The following CEP85L variants were observed in gnomAD, a reference collection of about 807,000 sequenced individuals.
The protein encoded by CEP85L is centrosomal protein 85L.
In CEP85L, 60 loss-of-function variants were observed where a neutral mutation model predicts 100.3. The observed-to-expected ratio is 0.60, with a 90% CI of 0.49 to 0.74. The LOEUF (loss-of-function observed/expected upper bound fraction) is 0.74. Ranked by LOEUF, CEP85L falls within the 30% of genes least tolerant of loss-of-function variation. CEP85L has a pLI of 0.00. For missense variants in CEP85L, 973 were observed against 936.2 expected (o/e 1.04, Z -0.51); for synonymous variants, 319 against 322.7 (o/e 0.99, Z 0.12).
intron 12 of CEP85L, among the ~76,000 whole-genome samples, 169 bp from the exon 13 acceptor site, chr6:118,465,737 A>T (rs1772468377): frequency 6.6e-6 from 1 of 152,222 alleles, no homozygotes; most frequent in Non-Finnish European, 1.5e-5. Context: ...AACAGATCTT[A>T]TCCACTTGGT....
chr6:118,643,757 A>G (rs1775019471), intron 1 of CEP85L, among the ~76,000 whole-genome samples: 1 of 152,242 alleles, frequency 6.6e-6, no homozygotes, highest in African/African-American at 2.4e-5. Flanking sequence ...TAAGAAAAGC[A>G]TGAAATAAAA....
intron 12 of CEP85L, among the ~76,000 whole-genome samples, chr6:118,466,607 G>C (rs1301370837): frequency 6.6e-6 from 1 of 152,172 alleles, no homozygotes; most frequent in African/African-American, 2.4e-5. Flanking sequence ...AAAACAGTAT[G>C]ATAGAATTTG....
intron 1 of CEP85L, chr6:118,647,135 G>T: frequency 1.2e-6 from 1 of 865,040 alleles, no homozygotes; most frequent in Non-Finnish European, 1.4e-6. Flanking sequence ...CAGAACCACA[G>T]CAGAAAACAA....
chr6:118,709,423 C>G (rs533604095), intron 1 of CEP85L, among the ~76,000 whole-genome samples: 2 of 152,040 alleles, frequency 1.3e-5, no homozygotes, highest in Non-Finnish European at 2.9e-5. Flanking sequence ...TCAGCGCATG[C>G]GGCTCCCCAC....
intron 2 of CEP85L, among the ~76,000 whole-genome samples, chr6:118,617,894 CTT>C (rs1029357972): frequency 2.6e-5 from 4 of 152,178 alleles, no homozygotes; most frequent in Non-Finnish European, 5.9e-5. Flanking sequence ...CTGTCCCATC[CTT>C]CCTTAGAATT....
intron 2 of CEP85L, among the ~76,000 whole-genome samples, chr6:118,595,592 A>C (rs917893927): frequency 1.3e-5 from 2 of 152,220 alleles, no homozygotes; most frequent in Non-Finnish European, 2.9e-5. Context: ...TAAAAGCTCC[A>C]GGTTAAAAAG....
rs573007296 is a variant in CEP85L at position 118,537,941 on chromosome 6, C to T, written c.1021-14021G>A. The T allele has an allele frequency of 6.2e-6, 6 of 963,936 alleles. No homozygotes were observed. In the African/African-American group the frequency reaches 1.1e-4, roughly 17 times the overall value. 59.7% of individuals were successfully genotyped at this position (963,936 alleles called of 1,614,324 possible). A position where few individuals can be genotyped will look rare whatever the true frequency, so the allele number is the denominator to read the frequency against. ...CAAGTGTTTTCTGGTAAGAGTCATA[C>T]CTTAACTAAAAAGTAAATAAATTCA... is the stretch of plus-strand genomic sequence containing the variant. On this transcript the variant is annotated intron_variant, in intron 3 of 12. Transcript: ENST00000368491.
chr6:118,501,628 A>G, intron 5 of CEP85L: 1 of 624,136 alleles, frequency 1.6e-6, no homozygotes, highest in East Asian at 3.7e-5. Flanking sequence ...TTTACAACAA[A>G]CCAGAGACCA....
At chr6:118,668,509 G>A (rs1214662806) in intron 1 of CEP85L, among the ~76,000 whole-genome samples, 3 of 152,310 alleles carry the variant, frequency 2.0e-5, no homozygotes, top group Non-Finnish European at 4.4e-5. Context: ...TACTCGGAAG[G>A]CTGAGGTGGG....
At chr6:118,509,766 A>AT (rs1339264275) in intron 5 of CEP85L, among the ~76,000 whole-genome samples, 1 of 152,100 alleles carries the variant, frequency 6.6e-6, no homozygotes, top group Non-Finnish European at 1.5e-5. Flanking sequence ...TTAGATCCCA[A>AT]TAAGTACGCC....
At chr6:118,708,078 A>G (rs1777660640) in intron 1 of CEP85L, among the ~76,000 whole-genome samples, 1 of 152,204 alleles carries the variant, frequency 6.6e-6, no homozygotes, top group Non-Finnish European at 1.5e-5. Context: ...AATCCTATAA[A>G]ATAGAAGGCC....
At chr6:118,642,712 G>A (rs998237307) in intron 1 of CEP85L, among the ~76,000 whole-genome samples, 4 of 152,018 alleles carry the variant, frequency 2.6e-5, no homozygotes, top group African/African-American at 9.7e-5. Flanking sequence ...TCAGGAGTTC[G>A]AGACCAGCCT....
chr6:118,555,192 G>A (rs1222506634), intron 3 of CEP85L, among the ~76,000 whole-genome samples: 1 of 152,176 alleles, frequency 6.6e-6, no homozygotes, highest in Non-Finnish European at 1.5e-5. Flanking sequence ...AGCACTTTGG[G>A]AGGCCGAGGC....
At chr6:118,490,312 T>C (rs1774472561) in intron 6 of CEP85L, among the ~76,000 whole-genome samples, 1 of 152,188 alleles carries the variant, frequency 6.6e-6, no homozygotes, top group Non-Finnish European at 1.5e-5. Context: ...AAAAATTTGT[T>C]AAAAGGGTAC....
intron 6 of CEP85L, among the ~76,000 whole-genome samples, chr6:118,491,278 T>A (rs1774554488): frequency 6.6e-6 from 1 of 151,688 alleles, no homozygotes; most frequent in Non-Finnish European, 1.5e-5. Flanking sequence ...GTGTATTTGG[T>A]TTTTAGCTTC....
intron 10 of CEP85L, among the ~76,000 whole-genome samples, chr6:118,471,767 G>GA (rs144782109): frequency 0.18 from 24,703 of 136,484 alleles, 2,159 homozygotes; most frequent in Non-Finnish European, 0.21. Context: ...CCACAAAAAT[G>GA]AAAAAAAAAA....
At position 118,663,418 on chromosome 6, in the gene CEP85L, C is replaced by T. The variant is rs184159694; in HGVS notation, c.-27-10610G>A. Among the ~76,000 whole-genome samples the T allele has an allele frequency of 3.3e-3, 497 of 152,072 alleles. 16 individuals carry two copies. Among genetic ancestry groups the T allele is most frequent in the Admixed American group, 0.03 (458 of 15,290 alleles). On this transcript the variant is annotated intron_variant, in intron 1 of 13. Transcript: ENST00000368488. ...TAGAAAAGTAGTCAATATTTTGCAG[C>T]CTTTAAAGAAATATTTATGATGGCT...
At chr6:118,645,153 C>T (rs568520670) in intron 1 of CEP85L, among the ~76,000 whole-genome samples, 1 of 152,294 alleles carries the variant, frequency 6.6e-6, no homozygotes, top group East Asian at 1.9e-4. Context: ...AACTCATTTC[C>T]GCCTTGGAGA....
chr6:118,653,435 G>C (rs1583230436), upstream of CEP85L, among the ~76,000 whole-genome samples: 1 of 152,208 alleles, frequency 6.6e-6, no homozygotes, highest in East Asian at 1.9e-4. Flanking sequence ...TTAATCATAT[G>C]AATTCTGAGT....
Sources: allele counts gnomAD v4.1 joint callset (sites outside exome capture counted in the v4.1 genomes callset), GRCh38; gene constraint gnomAD v4.1.1; transcripts MANE v1.5; gene names NCBI Gene and HGNC (gene_info 2026-07-23, HGNC 2026-07-21).